The following GRIK4 variants were observed in gnomAD, a reference collection of about 807,000 sequenced individuals.
The protein encoded by GRIK4 is glutamate ionotropic receptor kainate type subunit 4.
A neutral mutation model predicts 104.9 loss-of-function variants in GRIK4; 40 were observed. The ratio of observed to expected loss-of-function variants is 0.38; its 90% CI spans 0.30 to 0.50. The LOEUF (loss-of-function observed/expected upper bound fraction) is 0.50. GRIK4 is among the 20% of genes least tolerant of loss of function. The pLI, the probability that GRIK4 is intolerant of heterozygous loss-of-function variation, is 0.93. For synonymous variants in GRIK4, 485 were observed against 524.9 expected (o/e 0.92, Z 1.04); for missense variants, 1,047 against 1,308.1 (o/e 0.80, Z 3.08).
intron 1 of GRIK4, among the ~76,000 whole-genome samples, chr11:120,534,179 G>T (rs1947949007): frequency 6.6e-6 from 1 of 152,160 alleles, no homozygotes; most frequent in African/African-American, 2.4e-5. Context: ...GGTGGTGGGT[G>T]GTGGGTGGAA....
At chr11:120,658,208 T>C (rs367954542) in intron 2 of GRIK4, among the ~76,000 whole-genome samples, 4 of 152,338 alleles carry the variant, frequency 2.6e-5, no homozygotes, top group African/African-American at 9.6e-5. Flanking sequence ...CTGTTGCATG[T>C]GGTTGTCGAT....
chr11:120,692,232 C>T (rs948473259), intron 3 of GRIK4, among the ~76,000 whole-genome samples: 10 of 152,202 alleles, frequency 6.6e-5, no homozygotes, highest in Non-Finnish European at 1.0e-4. Flanking sequence ...CTGGGGCAGG[C>T]CCAAGGAAAG....
intron 1 of GRIK4, among the ~76,000 whole-genome samples, chr11:120,609,158 G>T (rs1331180905): frequency 1.3e-5 from 2 of 152,106 alleles, no homozygotes; most frequent in South Asian, 2.1e-4. Context: ...CTTCAGTTGG[G>T]CCTGTTTGGT....
chr11:120,923,003 A>G (rs561271673), intron 13 of GRIK4, among the ~76,000 whole-genome samples: 1 of 152,184 alleles, frequency 6.6e-6, no homozygotes, highest in African/African-American at 2.4e-5. Flanking sequence ...ACAGATCCCT[A>G]TCCAGATCCA....
chr11:120,682,332 C>CG (rs1195903097), intron 3 of GRIK4, among the ~76,000 whole-genome samples: 5 of 152,200 alleles, frequency 3.3e-5, no homozygotes, highest in African/African-American at 4.8e-5. Flanking sequence ...AGAGGCCCAG[C>CG]GAGGCTTCAC....
rs546917460 is a variant in GRIK4, at chr11:120,521,962, C to T, written c.-159+10075C>T. ...TTGAGCACTTACCACCTTCCAGGCACTGTTCTAGATGCTTTGTATGTATTA... is the reference window on the plus strand; with the variant it reads ...TTGAGCACTTACCACCTTCCAGGCATTGTTCTAGATGCTTTGTATGTATTA... On this transcript the variant is annotated intron_variant, in intron 1 of 20. Transcript: ENST00000527524. 1.5e-3 allele frequency among the ~76,000 whole-genome samples: 235 copies of T among 152,322 alleles called. 2 individuals carry two copies. Among genetic ancestry groups the T allele is most frequent in the Admixed American group, 3.8e-3 (58 of 15,308 alleles).
At chr11:120,605,635 G>A (rs1475339009) in intron 1 of GRIK4, among the ~76,000 whole-genome samples, 2 of 152,140 alleles carry the variant, frequency 1.3e-5, no homozygotes, top group African/African-American at 2.4e-5. Context: ...GACATTCCAG[G>A]CCCTGGAGGA....
At chr11:120,877,765 A>G (rs1409526541) in intron 11 of GRIK4, among the ~76,000 whole-genome samples, 4 of 152,210 alleles carry the variant, frequency 2.6e-5, no homozygotes, top group Admixed American at 6.5e-5. Context: ...AGATGATTAC[A>G]GCGGAGGAAC....
chr11:120,850,257 G>T (rs188724755), intron 8 of GRIK4, among the ~76,000 whole-genome samples: 28 of 152,166 alleles, frequency 1.8e-4, no homozygotes, highest in Admixed American at 1.1e-3. Flanking sequence ...GTCATATAGC[G>T]TAACCTAATT....
intron 3 of GRIK4, among the ~76,000 whole-genome samples, chr11:120,738,500 C>A (rs1366202420): frequency 6.6e-6 from 1 of 152,232 alleles, no homozygotes; most frequent in African/African-American, 2.4e-5. Context: ...GGAAGATGAG[C>A]TACATGGTGT....
intron 11 of GRIK4, 115 bp from the exon 12 acceptor site, chr11:120,898,417 T>C: frequency 3.0e-6 from 2 of 671,660 alleles, no homozygotes; most frequent in South Asian, 3.4e-5. Context: ...GGCTCCGTAC[T>C]CCACACCCCT....
intron 1 of GRIK4, among the ~76,000 whole-genome samples, chr11:120,514,769 G>A (rs1380878793): frequency 6.6e-6 from 1 of 152,116 alleles, no homozygotes; most frequent in African/African-American, 2.4e-5. Context: ...CGGGGTGCCT[G>A]GGGCACCCTC....
chr11:120,982,186 G>A lies in GRIK4; in HGVS notation c.2476G>A (p.Glu826Lys), dbSNP rs1234274683. 1 of 1,611,026 alleles carries A rather than the reference G, an allele frequency of 6.2e-7. No individual in the cohort carries two copies. Among genetic ancestry groups the A allele is most frequent in the South Asian group, 1.1e-5 (1 of 91,030 alleles). Residue 826 changes from glutamate to lysine, a missense_variant, in exon 20 of 21, where the codon GAG becomes AAG. By Grantham distance (56) the Glu-to-Lys change is moderately conservative. Transcript: ENST00000527524. ...CGTGGCCATTTTTATGGCTATGTTG[G>A]AGTTTTTATGGACTCTCAGACACTC... ...LIVAIFMAML[E>K]FLWTLRHSEA...
intron 3 of GRIK4, among the ~76,000 whole-genome samples, chr11:120,726,160 A>G (rs767694097): frequency 1.2e-4 from 18 of 152,214 alleles, no homozygotes; most frequent in Non-Finnish European, 1.8e-4. Context: ...AAGGATGACC[A>G]GAGGTCAGGA....
At chr11:120,573,855 C>A (rs979796532) in intron 1 of GRIK4, among the ~76,000 whole-genome samples, 4 of 152,214 alleles carry the variant, frequency 2.6e-5, no homozygotes, top group Non-Finnish European at 5.9e-5. Context: ...CCAAGCCAGG[C>A]TCTCCTTGGG....
chr11:120,632,302 G>A (rs1482986959), intron 1 of GRIK4, among the ~76,000 whole-genome samples: 5 of 152,152 alleles, frequency 3.3e-5, no homozygotes, highest in Non-Finnish European at 5.9e-5. Flanking sequence ...CTAGCCTTCA[G>A]AACGGTGAGA....
intron 7 of GRIK4, among the ~76,000 whole-genome samples, chr11:120,835,534 A>AAAAC (rs112203129): frequency 0.43 from 65,239 of 151,226 alleles, 14,201 homozygotes; most frequent in Admixed American, 0.53. Context: ...ACTCAAAGAA[A>AAAAC]AAACAAACAA....
rs140372915 is a variant in GRIK4, at chr11:120,943,288, C to T, written c.1590+2828C>T. ...TGAGTGCTGGGATTAACAGCTTACA[C>T]TAAGCAGAACTGACAGTTTCTACAT... On this transcript the variant is annotated intron_variant, in intron 14 of 20. Transcript: ENST00000527524. Among the ~76,000 whole-genome samples, 1,354 of 152,294 alleles carry T rather than the reference C, an allele frequency of 8.9e-3. 6 individuals are homozygous for T. Among genetic ancestry groups the T allele is most frequent in the Non-Finnish European group, 0.012 (832 of 68,020 alleles).
chr11:120,641,899 C>G (rs759658287), intron 1 of GRIK4, among the ~76,000 whole-genome samples: 2 of 152,218 alleles, frequency 1.3e-5, no homozygotes, highest in Non-Finnish European at 2.9e-5. Flanking sequence ...TCAAACACTT[C>G]TGACGCTTTG....
Sources: allele counts gnomAD v4.1 joint callset (sites outside exome capture counted in the v4.1 genomes callset), GRCh38; gene constraint gnomAD v4.1.1; transcripts MANE v1.5; gene names NCBI Gene and HGNC (gene_info 2026-07-23, HGNC 2026-07-21).